Variants in CDK14 observed in about 807,000 individuals in gnomAD.
CDK14 encodes the protein cyclin dependent kinase 14, also known as cyclin-dependent kinase 14.
Under a neutral mutation model 60.7 loss-of-function variants are expected in CDK14, and 34 were observed. That is an observed-to-expected ratio of 0.56 (90% CI 0.43 to 0.75). The LOEUF is 0.75. Among genes scored for constraint, CDK14 ranks in the 30% least tolerant of loss-of-function variants. CDK14 has a pLI of 0.00. For missense variants in CDK14, 482 were observed against 564.1 expected, an observed-to-expected ratio of 0.85 and a Z score of 1.47; for synonymous variants, 197 against 203.7, an observed-to-expected ratio of 0.97 and a Z score of 0.28.
At chr7:90,612,512 C>T (rs1455281821) in intron 2 of CDK14, among the ~76,000 whole-genome samples, 1 of 152,130 alleles carries the variant, frequency 6.6e-6, no homozygotes, top group Non-Finnish European at 1.5e-5. Flanking sequence ...TGGCTCACGC[C>T]TGTAATCCCA....
intron 10 of CDK14, among the ~76,000 whole-genome samples, chr7:91,004,731 C>T (rs1369393952): frequency 6.6e-6 from 1 of 152,118 alleles, no homozygotes; most frequent in African/African-American, 2.4e-5. Context: ...ATGAATAGCA[C>T]TGAGGCCCAA....
At chr7:90,945,178 T>C (rs1054482820) in intron 8 of CDK14, among the ~76,000 whole-genome samples, 1 of 152,224 alleles carries the variant, frequency 6.6e-6, no homozygotes, top group African/African-American at 2.4e-5. Context: ...TCTATTAAGA[T>C]TTTTAGCAGA....
At chr7:91,089,693 G>C (rs1280591720) in intron 12 of CDK14, among the ~76,000 whole-genome samples, 1 of 152,068 alleles carries the variant, frequency 6.6e-6, no homozygotes, top group African/African-American at 2.4e-5. Context: ...GCTGCCCCAT[G>C]CTTTGTCTGT....
chr7:90,751,579 T>C (rs781286184), intron 4 of CDK14, among the ~76,000 whole-genome samples: 8 of 152,170 alleles, frequency 5.3e-5, no homozygotes, highest in Non-Finnish European at 1.2e-4. Flanking sequence ...CATAAGTACA[T>C]GGCCCACAGA....
intron 2 of CDK14, among the ~76,000 whole-genome samples, chr7:90,610,220 C>T (rs1035231104): frequency 3.3e-5 from 5 of 152,124 alleles, no homozygotes; most frequent in Non-Finnish European, 7.4e-5. Context: ...AATGGCCTTA[C>T]CCCTTTGTAC....
At chr7:90,621,804 G>A (rs976512697) in intron 2 of CDK14, among the ~76,000 whole-genome samples, 1 of 151,998 alleles carries the variant, frequency 6.6e-6, no homozygotes, top group Non-Finnish European at 1.5e-5. Context: ...AGTAATGTTG[G>A]CACTATTATT....
At chr7:90,898,454 A>G (rs1562819155) in intron 6 of CDK14, among the ~76,000 whole-genome samples, 1 of 152,132 alleles carries the variant, frequency 6.6e-6, no homozygotes, top group South Asian at 2.1e-4. Context: ...TCAGTAATTC[A>G]GGCCTGATAT....
At chr7:90,698,959 G>A (rs980247770) in intron 2 of CDK14, among the ~76,000 whole-genome samples, 1 of 152,210 alleles carries the variant, frequency 6.6e-6, no homozygotes, top group African/African-American at 2.4e-5. Flanking sequence ...AGAGAGAAGA[G>A]ACTGTGCACT....
intron 11 of CDK14, among the ~76,000 whole-genome samples, chr7:91,058,006 A>G (rs1399145270): frequency 1.3e-5 from 2 of 151,988 alleles, no homozygotes; most frequent in East Asian, 3.9e-4. Context: ...CAGTATGGCC[A>G]TTTTCACGAT....
intron 7 of CDK14, among the ~76,000 whole-genome samples, chr7:90,906,628 A>C (rs928364635): frequency 1.3e-5 from 2 of 152,008 alleles, no homozygotes; most frequent in Non-Finnish European, 2.9e-5. Flanking sequence ...TTCTTTGTTG[A>C]TATTTTGTAT....
At chr7:91,012,446 T>A (rs943688565) in intron 10 of CDK14, among the ~76,000 whole-genome samples, 25 of 152,214 alleles carry the variant, frequency 1.6e-4, no homozygotes, top group Admixed American at 5.9e-4. Context: ...TCTTTGATCC[T>A]CTGCTTTGCA....
intron 9 of CDK14, chr7:90,979,948 C>T (rs1463033179): frequency 7.9e-6 from 1 of 126,840 alleles, no homozygotes. Context: ...TTTAAATGCA[C>T]TTCTATAGCC....
chr7:90,886,187 T>G (rs1289364785), intron 6 of CDK14, among the ~76,000 whole-genome samples: 1 of 152,202 alleles, frequency 6.6e-6, no homozygotes, highest in Non-Finnish European at 1.5e-5. Flanking sequence ...GTTGGCTTGC[T>G]TAACACCAGC....
intron 2 of CDK14, among the ~76,000 whole-genome samples, chr7:90,669,289 G>A (rs1584782347): frequency 6.6e-6 from 1 of 152,088 alleles, no homozygotes; most frequent in East Asian, 1.9e-4. Context: ...TGCTGTTTCT[G>A]CCTTCTGTGC....
intron 2 of CDK14, among the ~76,000 whole-genome samples, chr7:90,639,622 T>C (rs985497506): frequency 6.7e-5 from 10 of 149,246 alleles, no homozygotes; most frequent in Admixed American, 6.1e-4. Context: ...TTCTCAGATC[T>C]CCAGCTGCGT....
intron 2 of CDK14, among the ~76,000 whole-genome samples, chr7:90,630,632 T>C (rs10257701): frequency 6.6e-6 from 1 of 152,212 alleles, no homozygotes; most frequent in Non-Finnish European, 1.5e-5. Context: ...ATGTTTGTGG[T>C]ATTTGAATTA....
intron 2 of CDK14, among the ~76,000 whole-genome samples, chr7:90,629,034 T>G (rs940224431): frequency 4.6e-5 from 7 of 152,064 alleles, no homozygotes; most frequent in African/African-American, 1.4e-4. Context: ...TTAAAAAAAA[T>G]GTAGTGAGGT....
chr7:91,019,724 CA>C, intron 10 of CDK14, among the ~76,000 whole-genome samples: 1 of 152,212 alleles, frequency 6.6e-6, no homozygotes, highest in South Asian at 2.1e-4. Flanking sequence ...ATAGTGATTA[CA>C]AAGCATCCTA....
At chr7:90,904,545 T>A (rs1792630161) in intron 7 of CDK14, among the ~76,000 whole-genome samples, 1 of 151,524 alleles carries the variant, frequency 6.6e-6, no homozygotes, top group Non-Finnish European at 1.5e-5. Context: ...TTGAAGAAAT[T>A]TGCCAGAAAA....
Sources: gnomAD v4.1 joint callset for allele counts (sites outside exome capture counted in the v4.1 genomes callset) on GRCh38, gnomAD v4.1.1 for gene constraint, MANE v1.5 for transcripts, NCBI Gene and HGNC (gene_info 2026-07-23, HGNC 2026-07-21) for gene names.